TBC1D12: variants seen among roughly 807,000 people sequenced by gnomAD.
TBC1D12 encodes TBC1 domain family, member 12.
In TBC1D12, 56 loss-of-function variants were observed where a neutral mutation model predicts 86.7. The ratio of observed to expected loss-of-function variants is 0.65; its 90% CI spans 0.52 to 0.81. The LOEUF is 0.81. TBC1D12 is among the 30% of genes least tolerant of loss of function. TBC1D12 has a pLI of 0.00. For synonymous variants in TBC1D12, 421 were observed against 411.7 expected, an observed-to-expected ratio of 1.02 and a Z score of -0.27; for missense variants, 1,023 against 1,038.8, an observed-to-expected ratio of 0.98 and a Z score of 0.21.
At chr10:94,505,331 C>T (rs765068087) in intron 6 of TBC1D12, among the ~76,000 whole-genome samples, 1 of 152,164 alleles carries the variant, frequency 6.6e-6, no homozygotes, top group Non-Finnish European at 1.5e-5. Context: ...GTAATCCTAG[C>T]ACTTTGGGAG....
intron 11 of TBC1D12, among the ~76,000 whole-genome samples, chr10:94,522,798 G>C (rs895449213): frequency 4.5e-4 from 69 of 151,970 alleles, no homozygotes; most frequent in Non-Finnish European, 5.9e-5. Context: ...GCTCATGCCT[G>C]TAATCTTAGC....
chr10:94,487,875 T>TC (rs1251603661), intron 3 of TBC1D12, among the ~76,000 whole-genome samples: 1 of 54,398 alleles, frequency 1.8e-5, no homozygotes, highest in East Asian at 2.3e-3. Context: ...TTTTTTTTTG[T>TC]TTTTTTAGTA....
At chr10:94,515,657 G>A (rs961408365) in intron 9 of TBC1D12, among the ~76,000 whole-genome samples, 1 of 152,138 alleles carries the variant, frequency 6.6e-6, no homozygotes, top group Non-Finnish European at 1.5e-5. Context: ...CCTATGTAGG[G>A]TTTTGTACTT....
At chr10:94,437,044 A>C (rs1468746692) in intron 1 of TBC1D12, among the ~76,000 whole-genome samples, 1 of 149,870 alleles carries the variant, frequency 6.7e-6, no homozygotes, top group Non-Finnish European at 1.5e-5. Flanking sequence ...TTGGATATGG[A>C]ATTTTTGGTG....
intron 11 of TBC1D12, among the ~76,000 whole-genome samples, chr10:94,528,648 C>T (rs2134234859): frequency 6.6e-6 from 1 of 152,114 alleles, no homozygotes; most frequent in South Asian, 2.1e-4. Flanking sequence ...ATGGTGAAAC[C>T]TTGTCTCTAC....
intron 12 of TBC1D12, 113 bp from the exon 13 acceptor site, chr10:94,532,915 G>A: frequency 1.7e-6 from 1 of 575,398 alleles, no homozygotes. Context: ...CACTTTCGGG[G>A]ACAGTGTTAA....
At chr10:94,462,929 A>G (rs2055751525) in intron 2 of TBC1D12, among the ~76,000 whole-genome samples, 1 of 151,946 alleles carries the variant, frequency 6.6e-6, no homozygotes, top group Non-Finnish European at 1.5e-5. Flanking sequence ...TTTATTATTT[A>G]CTATCCACTT....
At chr10:94,457,182 C>T (rs551407091) in intron 2 of TBC1D12, among the ~76,000 whole-genome samples, 1 of 152,268 alleles carries the variant, frequency 6.6e-6, no homozygotes, top group Non-Finnish European at 1.5e-5. Flanking sequence ...TTGTTTGCTG[C>T]ACCTATCAAC....
intron 9 of TBC1D12, among the ~76,000 whole-genome samples, chr10:94,518,187 C>T (rs1407713760): frequency 6.6e-6 from 1 of 152,012 alleles, no homozygotes; most frequent in African/African-American, 2.4e-5. Flanking sequence ...GACTCTCCCT[C>T]AAGGACTATG....
At chr10:94,492,256 G>A (rs1258483148) in intron 3 of TBC1D12, among the ~76,000 whole-genome samples, 1 of 152,130 alleles carries the variant, frequency 6.6e-6, no homozygotes, top group Non-Finnish European at 1.5e-5. Context: ...GCATCCACTG[G>A]AGGTCTTGGA....
At chr10:94,425,279 G>A (rs1320383310) in intron 1 of TBC1D12, among the ~76,000 whole-genome samples, 2 of 152,090 alleles carry the variant, frequency 1.3e-5, no homozygotes, top group Non-Finnish European at 2.9e-5. Flanking sequence ...TTGGCGTGAT[G>A]GAAGTGTTCT....
intron 3 of TBC1D12, among the ~76,000 whole-genome samples, chr10:94,477,170 G>A (rs2056001890): frequency 1.3e-5 from 2 of 151,986 alleles, no homozygotes; most frequent in South Asian, 2.1e-4. Context: ...CTGTTTCTGT[G>A]TGTTTGCTCC....
intron 2 of TBC1D12, among the ~76,000 whole-genome samples, chr10:94,457,436 AC>A (rs2055644871): frequency 6.6e-6 from 1 of 151,974 alleles, no homozygotes; most frequent in African/African-American, 2.4e-5. Context: ...TATTTTTGAG[AC>A]AGAATCTTGC....
At chr10:94,466,553 C>T (rs2055828080) in intron 2 of TBC1D12, among the ~76,000 whole-genome samples, 2 of 152,110 alleles carry the variant, frequency 1.3e-5, no homozygotes, top group South Asian at 4.1e-4. Context: ...CTTAAAATCA[C>T]TGGCACACTT....
chr10:94,532,968 A>G (rs1842468650), intron 12 of TBC1D12, 60 bp from the exon 13 acceptor site: 3 of 944,802 alleles, frequency 3.2e-6, no homozygotes, highest in African/African-American at 1.7e-5. Context: ...TAGTTATTTA[A>G]ATCTCTTTAA....
chr10:94,498,540 A>C (rs1219822343), intron 5 of TBC1D12, among the ~76,000 whole-genome samples: 1 of 151,830 alleles, frequency 6.6e-6, no homozygotes, highest in African/African-American at 2.4e-5. Flanking sequence ...TGCAACCTCT[A>C]CCTCCTGGAT....
intron 1 of TBC1D12, among the ~76,000 whole-genome samples, chr10:94,410,196 T>C (rs973981992): frequency 6.6e-6 from 1 of 152,184 alleles, no homozygotes; most frequent in Non-Finnish European, 1.5e-5. Flanking sequence ...CAAGATGGTA[T>C]TAATTTAATA....
At chr10:94,443,317 C>A (rs1463659246) in intron 2 of TBC1D12, among the ~76,000 whole-genome samples, 3 of 152,082 alleles carry the variant, frequency 2.0e-5, no homozygotes, top group Non-Finnish European at 4.4e-5. Context: ...AACTTAATTT[C>A]TTTTTTCAAG....
intron 6 of TBC1D12, among the ~76,000 whole-genome samples, chr10:94,506,105 C>G (rs754021262): frequency 6.6e-6 from 1 of 151,252 alleles, no homozygotes; most frequent in Non-Finnish European, 1.5e-5. Context: ...GGTGCGATCT[C>G]TGCTCACAGC....
Sources: gnomAD v4.1 joint callset for allele counts (sites outside exome capture counted in the v4.1 genomes callset) on GRCh38, gnomAD v4.1.1 for gene constraint, MANE v1.5 for transcripts, NCBI Gene and HGNC (gene_info 2026-07-23, HGNC 2026-07-21) for gene names.